Variants in SERBP1 observed in about 807,000 individuals in gnomAD.
SERBP1 encodes SERPINE1 mRNA-binding protein 1.
SERBP1 carries 6 observed loss-of-function variants against 50.2 expected under a neutral mutation model. The observed-to-expected ratio is 0.12, with a 90% CI of 0.07 to 0.24. The LOEUF is 0.24. Among genes scored for constraint, SERBP1 ranks in the 10% least tolerant of loss-of-function variants. The pLI is 1.00. For synonymous variants in SERBP1, 168 were observed against 182.8 expected, an observed-to-expected ratio of 0.92 and a Z score of 0.65; for missense variants, 346 against 524.9, an observed-to-expected ratio of 0.66 and a Z score of 3.33.
chr1:67,415,371 T>C (rs1233076535), intron 6 of SERBP1, 32 bp from the exon 7 acceptor site: 3 of 1,509,174 alleles, frequency 2.0e-6, no homozygotes, highest in Non-Finnish European at 2.7e-6. Flanking sequence ...ATTGTGTTAT[T>C]AGTAGAAAAG....
At position 67,412,255 on chromosome 1, in the gene SERBP1, C is replaced by T. The variant is rs968225586; in HGVS notation, c.*952G>A. 2.0e-5 allele frequency: 3 copies of T among 152,596 alleles called. No homozygotes were observed. Among genetic ancestry groups the T allele is most frequent in the African/African-American group, 7.2e-5 (3 of 41,422 alleles). 9.5% of individuals were successfully genotyped at this position (152,596 alleles called of 1,614,324 possible). ...GGACCTTTCACACACAGAAATCATA[C>T]CAAATGGCCAGACACTTATTTTACA... On this transcript the variant is annotated 3_prime_UTR_variant, in exon 8 of 8. Transcript: ENST00000361219.
At chr1:67,419,726 C>A (rs1202632361) in intron 6 of SERBP1, 2 of 331,592 alleles carry the variant, frequency 6.0e-6, no homozygotes, top group Non-Finnish European at 1.1e-5. Context: ...AAAGAACTAT[C>A]ATATTTCTGA....
intron 6 of SERBP1, among the ~76,000 whole-genome samples, chr1:67,416,980 G>C (rs1187638912): frequency 2.0e-5 from 3 of 152,128 alleles, no homozygotes; most frequent in Non-Finnish European, 4.4e-5. Flanking sequence ...ATAAAAAGTA[G>C]GCCAGGTGTG....
chr1:67,428,062 T>C (rs191745097), intron 1 of SERBP1, among the ~76,000 whole-genome samples: 102 of 152,344 alleles, frequency 6.7e-4, no homozygotes, highest in African/African-American at 2.4e-3. Flanking sequence ...TCCTACTACA[T>C]GCAGCGACTT....
chr1:67,425,158 C>T lies in SERBP1; in HGVS notation c.530G>A (p.Arg177His), dbSNP rs748347930. The T allele has an allele frequency of 9.3e-6, 15 of 1,611,556 alleles. No homozygotes were observed. Among genetic ancestry groups the T allele is most frequent in the South Asian group, 6.6e-5 (6 of 90,884 alleles). ...GLGRGRGGRG[R>H]GMGRGDGFDS... ...AAATCCATCTCCTCGGCCCATTCCA[C>T]GTCCACGGCCCCCTCGACCTCTTCC... is the stretch of plus-strand genomic sequence containing the variant. The change falls in exon 3 of 8, where the codon CGT (arginine) becomes CAT (histidine). Residue 177 changes from arginine (R) to histidine (H), a missense_variant. This residue lies in a region of SERBP1 where 257 missense variants were observed against 331.2 expected (regional missense o/e 0.78). Coordinates refer to ENST00000361219, the MANE Select transcript of SERBP1 (RefSeq NM_001018069.2).
chr1:67,421,100 T>C (rs1667183582), intron 5 of SERBP1, among the ~76,000 whole-genome samples: 1 of 152,016 alleles, frequency 6.6e-6, no homozygotes, highest in Non-Finnish European at 1.5e-5. Context: ...ACAAATGCTA[T>C]CTTAAAAGTT....
intron 6 of SERBP1, among the ~76,000 whole-genome samples, chr1:67,415,648 A>T (rs888442295): frequency 6.6e-6 from 1 of 152,214 alleles, no homozygotes; most frequent in Non-Finnish European, 1.5e-5. Flanking sequence ...CATAATCTTT[A>T]GCAGTGAAAT....
chr1:67,426,083 C>G (rs553751308), intron 2 of SERBP1, 52 bp downstream of exon 2: 2 of 1,504,216 alleles, frequency 1.3e-6, no homozygotes, highest in South Asian at 2.5e-5. Context: ...CCACTGCACT[C>G]CAGCCTACAT....
intron 7 of SERBP1, 124 bp downstream of exon 7, chr1:67,415,042 C>T (rs537742367): frequency 1.1e-4 from 109 of 1,030,218 alleles, no homozygotes; most frequent in Admixed American, 1.3e-4. Context: ...ACCTAACATG[C>T]GGTTTCTTAA....
intron 3 of SERBP1, 28 bp from the exon 4 acceptor site, chr1:67,425,005 C>T: frequency 6.2e-7 from 1 of 1,604,940 alleles, no homozygotes; most frequent in Non-Finnish European, 8.5e-7. Flanking sequence ...ACATAATACT[C>T]TTTAGTTCTA....
At chr1:67,413,969 C>T (rs1393865160) in intron 7 of SERBP1, among the ~76,000 whole-genome samples, 3 of 152,040 alleles carry the variant, frequency 2.0e-5, no homozygotes, top group African/African-American at 4.8e-5. Context: ...CCACACCTGG[C>T]TAATGAGACA....
At position 67,414,432 on chromosome 1, in the gene SERBP1, C is replaced by G. The variant is rs78127591; in HGVS notation, c.1125+734G>C. 1.6e-4 allele frequency among the ~76,000 whole-genome samples: 25 copies of G among 152,238 alleles called. No individual in the cohort carries two copies. The East Asian group carries it at 4.6e-3, about 28-fold the overall frequency. ...ATTACACTGGCAATGGTAAGTTACCCCTGTAATCATCAAAAACAGACTCAA... is the reference window on the plus strand; with the variant it reads ...ATTACACTGGCAATGGTAAGTTACCGCTGTAATCATCAAAAACAGACTCAA... On this transcript the variant is annotated intron_variant, in intron 7 of 7. Coordinates refer to ENST00000361219, the MANE Select transcript of SERBP1 (RefSeq NM_001018069.2).
chr1:67,429,703 T>C (rs1667505815), intron 1 of SERBP1: 1 of 319,442 alleles, frequency 3.1e-6, no homozygotes, highest in Non-Finnish European at 5.7e-6. Flanking sequence ...TCCCAGGACC[T>C]CGAGCGCGCT....
chr1:67,412,978 T>A lies in SERBP1; in HGVS notation c.*229A>T, dbSNP rs1666889004. 2 of 546,248 alleles carry A rather than the reference T, an allele frequency of 3.7e-6. No homozygotes were observed. Among genetic ancestry groups the A allele is most frequent in the Non-Finnish European group, 6.3e-6 (2 of 316,514 alleles). 33.8% of individuals were successfully genotyped at this position (546,248 alleles called of 1,614,324 possible). On this transcript the variant is annotated 3_prime_UTR_variant, in exon 8 of 8. Coordinates refer to ENST00000361219, the MANE Select transcript of SERBP1 (RefSeq NM_001018069.2). ...ATAATCTCTGAAAATTATGAAAACA[T>A]CCCTGCTACCAATACATTTCTAAAT...
chr1:67,413,518 C>G (rs377530913), intron 7 of SERBP1, among the ~76,000 whole-genome samples: 11 of 151,826 alleles, frequency 7.2e-5, no homozygotes, highest in African/African-American at 2.4e-4. Context: ...GGTGTGGTGG[C>G]AGGCACCTGT....
intron 1 of SERBP1, among the ~76,000 whole-genome samples, chr1:67,428,735 C>CAAAAA (rs34354137): frequency 1.2e-5 from 1 of 85,726 alleles, no homozygotes; most frequent in African/African-American, 3.5e-5. Context: ...CAAAAGTCCT[C>CAAAAA]AAAAAAAAAA....
At chr1:67,418,944 G>A (rs889427902) in intron 6 of SERBP1, among the ~76,000 whole-genome samples, 1 of 152,170 alleles carries the variant, frequency 6.6e-6, no homozygotes, top group Non-Finnish European at 1.5e-5. Flanking sequence ...AATGAATTTA[G>A]GAGAAGAAAT....
chr1:67,430,118 G>T lies in SERBP1; in HGVS notation c.183C>A (p.Thr61=). 6.2e-7 allele frequency: 1 copy of T among 1,612,180 alleles called. No individual in the cohort carries two copies. Among genetic ancestry groups the T allele is most frequent in the East Asian group, 2.2e-5 (1 of 44,876 alleles). ...AKSAAQAAAQ[T]NSNAAGKQLR... Reference sequence around the variant, plus strand: ...GCTGTTTGCCTGCCGCGTTGGAGTTGGTCTGGGCCGCGGCCTGAGCTGCGC... The same window carrying T: ...GCTGTTTGCCTGCCGCGTTGGAGTTTGTCTGGGCCGCGGCCTGAGCTGCGC... Residue 61 remains threonine, a synonymous_variant, in exon 1 of 8, where the codon ACC becomes ACA. Transcript: ENST00000361219.
chr1:67,424,553 CA>C (rs1667308603), intron 4 of SERBP1: 1 of 494,224 alleles, frequency 2.0e-6, no homozygotes, highest in Non-Finnish European at 3.5e-6. Context: ...ACTAGCTTAT[CA>C]AATTTTGTAA....
Sources: allele counts gnomAD v4.1 joint callset (sites outside exome capture counted in the v4.1 genomes callset), GRCh38; gene constraint gnomAD v4.1.1; regional missense constraint gnomAD v4.1.1; transcripts MANE v1.5; gene names NCBI Gene and HGNC (gene_info 2026-07-23, HGNC 2026-07-21).